The following PTPRG variants were observed in gnomAD, a reference collection of about 807,000 sequenced individuals.
The protein encoded by PTPRG is receptor-type tyrosine-protein phosphatase gamma.
Under a neutral mutation model 165.3 loss-of-function variants are expected in PTPRG, and 102 were observed. That is an observed-to-expected ratio of 0.62 (90% CI 0.53 to 0.73). The LOEUF (loss-of-function observed/expected upper bound fraction) is 0.73. Ranked by LOEUF, PTPRG falls within the 30% of genes least tolerant of loss-of-function variation. The probability of loss-of-function intolerance (pLI) is 0.00; values close to 1 mark genes in which losing one functional copy is unlikely to be tolerated. For synonymous variants in PTPRG, 675 were observed against 669.5 expected (o/e 1.01, Z -0.13); for missense variants, 1,866 against 1,861.4 (o/e 1.00, Z -0.05).
rs2148908842 is a variant in PTPRG, at chr3:62,294,598, T to C, written c.*1291T>C. 6.6e-6 allele frequency: 1 copy of C among 152,202 alleles called. No homozygotes were observed. The highest frequency in any genetic ancestry group is 3.4e-3 in the Middle Eastern group (1 of 294). 9.4% of individuals were successfully genotyped at this position (152,202 alleles called of 1,614,324 possible). On this transcript the variant is annotated 3_prime_UTR_variant, in exon 30 of 30. Coordinates refer to ENST00000474889, the MANE Select transcript of PTPRG (RefSeq NM_002841.4). ...ATTAGAGCTCAAGGAAGTTATTAGGTGCAGCCTCTGGAGCCATACTCACGC... is the reference window on the plus strand; with the variant it reads ...ATTAGAGCTCAAGGAAGTTATTAGGCGCAGCCTCTGGAGCCATACTCACGC...
chr3:61,948,813 A>G (rs898972145), intron 2 of PTPRG, among the ~76,000 whole-genome samples: 5 of 152,174 alleles, frequency 3.3e-5, no homozygotes, highest in Non-Finnish European at 5.9e-5. Context: ...TTGAGAATGC[A>G]GTCATGATAC....
chr3:62,011,235 A>G (rs1226336979), intron 4 of PTPRG, among the ~76,000 whole-genome samples: 1 of 152,184 alleles, frequency 6.6e-6, no homozygotes, highest in Non-Finnish European at 1.5e-5. Flanking sequence ...CCGCTGGCAT[A>G]TTTAGGCAAG....
chr3:61,742,707 G>A, intron 1 of PTPRG: 4 of 1,606,502 alleles, frequency 2.5e-6, no homozygotes, highest in Middle Eastern at 1.7e-4. Flanking sequence ...GCAGGGAAGG[G>A]AACTTTCCTG....
At chr3:61,850,075 G>A (rs2036918817) in intron 2 of PTPRG, among the ~76,000 whole-genome samples, 2 of 152,022 alleles carry the variant, frequency 1.3e-5, no homozygotes, top group Non-Finnish European at 2.9e-5. Context: ...CACTAGTTTT[G>A]TGCATATACT....
At position 61,679,385 on chromosome 3, in the gene PTPRG, C is replaced by T. The variant is rs115486216; in HGVS notation, c.86-69493C>T. Reference sequence around the variant, plus strand: ...GGTGGTGTTTTTCATTAAAAGGTACCAGAAATTTAGCAGCCCGACCAAGAG... The same window carrying T: ...GGTGGTGTTTTTCATTAAAAGGTACTAGAAATTTAGCAGCCCGACCAAGAG... On this transcript the variant is annotated intron_variant, in intron 1 of 29. Coordinates refer to ENST00000474889, the MANE Select transcript of PTPRG (RefSeq NM_002841.4). Among the ~76,000 whole-genome samples, 636 of 152,216 alleles carry T rather than the reference C, an allele frequency of 4.2e-3. 4 individuals carry two copies. The highest frequency in any genetic ancestry group is 0.015 in the African/African-American group (605 of 41,540).
At chr3:61,681,425 G>A (rs1049890706) in intron 1 of PTPRG, among the ~76,000 whole-genome samples, 9 of 152,278 alleles carry the variant, frequency 5.9e-5, no homozygotes, top group South Asian at 2.1e-4. Flanking sequence ...GTGGGGTATT[G>A]GTCTGCTTTC....
intron 8 of PTPRG, among the ~76,000 whole-genome samples, chr3:62,175,071 T>C (rs1415687193): frequency 6.6e-6 from 1 of 152,256 alleles, no homozygotes; most frequent in African/African-American, 2.4e-5. Context: ...CCTGCCATAT[T>C]ATATCCAACA....
Position 61,956,090 on chromosome 3 carries a change from T to TTATATATATATATATATATA in PTPRG, c.191-33518_191-33517insATATATATATATATATATAT, listed in dbSNP as rs139960761. ...AGCATGTGGACTAAGGGGAAAAAAA[T>TTATATATATATATATATATA]TATATATATATATATATGAAAAATT... On this transcript the variant is annotated intron_variant, in intron 2 of 29. Coordinates refer to ENST00000474889, the MANE Select transcript of PTPRG (RefSeq NM_002841.4). Among the ~76,000 whole-genome samples the TTATATATATATATATATATA allele has an allele frequency of 4.5e-3, 675 of 148,970 alleles. 9 individuals are homozygous for TTATATATATATATATATATA. The highest frequency in any genetic ancestry group is 0.015 in the African/African-American group (614 of 40,196).
intron 2 of PTPRG, among the ~76,000 whole-genome samples, chr3:61,756,958 T>G (rs1420090256): frequency 6.6e-6 from 1 of 152,226 alleles, no homozygotes; most frequent in Non-Finnish European, 1.5e-5. Context: ...TGCTCATCTT[T>G]CATCCAGCAC....
At chr3:62,031,006 T>A (rs925633385) in intron 4 of PTPRG, among the ~76,000 whole-genome samples, 1 of 152,214 alleles carries the variant, frequency 6.6e-6, no homozygotes, top group South Asian at 2.1e-4. Flanking sequence ...TTCCACTGGC[T>A]AAACGGGCAA....
At chr3:61,645,569 T>C (rs1702176658) in intron 1 of PTPRG, among the ~76,000 whole-genome samples, 1 of 152,192 alleles carries the variant, frequency 6.6e-6, no homozygotes, top group Non-Finnish European at 1.5e-5. Context: ...AGAATAGCAG[T>C]GGTGGTAGAG....
Position 61,748,964 on chromosome 3 carries a change from C to A in PTPRG, c.172C>A (p.Pro58Thr), listed in dbSNP as rs549855202. ...CCGCAGGCGCAAGGCTTCAGGCGACCCGTACTGGGCCTACTCTGGTAAGTC... is the reference window on the plus strand; with the variant it reads ...CCGCAGGCGCAAGGCTTCAGGCGACACGTACTGGGCCTACTCTGGTAAGTC... ...QIRRRKASGD[P>T]YWAYSGAYGP... Residue 58 changes from proline (P) to threonine (T), a missense_variant, in exon 2 of 30, where the codon CCG becomes ACG. Around this residue, in one of 3 missense-constraint regions of PTPRG, gnomAD observed 408 missense variants for 376.2 expected, o/e 1.08. Coordinates refer to ENST00000474889, the MANE Select transcript of PTPRG (RefSeq NM_002841.4). 6.2e-7 allele frequency: 1 copy of A among 1,610,738 alleles called. No homozygotes were observed. Among genetic ancestry groups the A allele is most frequent in the East Asian group, 2.2e-5 (1 of 44,842 alleles).
At chr3:62,047,333 C>T (rs556115793) in intron 4 of PTPRG, among the ~76,000 whole-genome samples, 3 of 152,032 alleles carry the variant, frequency 2.0e-5, no homozygotes, top group Admixed American at 6.6e-5. Context: ...GATCTCAGCT[C>T]GCTGCAACCT....
In PTPRG at chr3:62,195,496, G is replaced by A. The variant is rs1005438821; in HGVS notation, c.1327+326G>A. On this transcript the variant is annotated intron_variant, in intron 10 of 29. Transcript: ENST00000474889. The surrounding 1 kb of genome is among the most constrained non-coding windows in gnomAD (Gnocchi z 4.4). ...CACACAATCACTTCCAAGTTGTACCGCTGAATATCCTCTTTGTCTTTCTAA... is the reference window on the plus strand; with the variant it reads ...CACACAATCACTTCCAAGTTGTACCACTGAATATCCTCTTTGTCTTTCTAA... 9.9e-5 allele frequency among the ~76,000 whole-genome samples: 15 copies of A among 152,132 alleles called. No homozygotes were observed. Among genetic ancestry groups the A allele is most frequent in the African/African-American group, 1.4e-4 (6 of 41,432 alleles).
intron 2 of PTPRG, among the ~76,000 whole-genome samples, chr3:61,958,649 T>C (rs879275958): frequency 6.7e-4 from 102 of 152,354 alleles, no homozygotes; most frequent in Admixed American, 5.7e-3. Flanking sequence ...AAGTTCTCTT[T>C]ATGATCATCT....
intron 2 of PTPRG, among the ~76,000 whole-genome samples, chr3:61,938,260 G>GT (rs1421103374): frequency 1.7e-5 from 2 of 120,852 alleles, no homozygotes; most frequent in South Asian, 2.7e-4. Context: ...TACTTTAAAA[G>GT]TTTTTTTATA....
intron 5 of PTPRG, among the ~76,000 whole-genome samples, chr3:62,080,292 T>C (rs1432426560): frequency 6.6e-6 from 1 of 151,624 alleles, no homozygotes; most frequent in Admixed American, 6.6e-5. Context: ...GTCAGGCTGG[T>C]GTTAAACTCT....
intron 5 of PTPRG, among the ~76,000 whole-genome samples, chr3:62,086,820 A>G (rs1287820425): frequency 6.6e-6 from 1 of 152,188 alleles, no homozygotes; most frequent in Non-Finnish European, 1.5e-5. Context: ...TTTGGAATAG[A>G]TTTGTGGATG....
At chr3:61,793,898 T>G (rs1204188472) in intron 2 of PTPRG, among the ~76,000 whole-genome samples, 1 of 152,208 alleles carries the variant, frequency 6.6e-6, no homozygotes, top group East Asian at 1.9e-4. Context: ...GAAATAAACA[T>G]CTTTTTGATT....
Sources: allele counts gnomAD v4.1 joint callset (sites outside exome capture counted in the v4.1 genomes callset), GRCh38; gene constraint gnomAD v4.1.1; regional missense constraint gnomAD v4.1.1; non-coding constraint Gnocchi (gnomAD v3.1); transcripts MANE v1.5; gene names NCBI Gene and HGNC (gene_info 2026-07-23, HGNC 2026-07-21).